Variants in TLN2 observed in about 807,000 individuals in gnomAD.
TLN2 encodes the protein talin-2.
In TLN2, 118 loss-of-function variants were observed where a neutral mutation model predicts 294.7. The ratio of observed to expected loss-of-function variants is 0.40; its 90% CI spans 0.34 to 0.47. The LOEUF is 0.47. Ranked by LOEUF, TLN2 falls within the 20% of genes least tolerant of loss-of-function variation. The probability of loss-of-function intolerance (pLI) is 0.84; values close to 1 mark genes in which losing one functional copy is unlikely to be tolerated. For missense variants in TLN2, 3,083 were observed against 3,282.2 expected (o/e 0.94, Z 1.48); for synonymous variants, 1,431 against 1,304.5 (o/e 1.10, Z -2.09).
intron 4 of TLN2, among the ~76,000 whole-genome samples, chr15:62,647,772 T>C (rs577501845): frequency 4.4e-4 from 67 of 152,332 alleles, no homozygotes; most frequent in Non-Finnish European, 8.1e-4. Context: ...CCTAACAGTA[T>C]TGGCGGTATG....
chr15:62,808,436 C>G (rs2066446015), intron 51 of TLN2, among the ~76,000 whole-genome samples: 1 of 152,162 alleles, frequency 6.6e-6, no homozygotes, highest in Admixed American at 6.5e-5. Flanking sequence ...TTGGGCATAT[C>G]TGTTTTTTTC....
intron 12 of TLN2, among the ~76,000 whole-genome samples, chr15:62,691,824 T>C (rs1243648427): frequency 6.6e-6 from 1 of 151,686 alleles, no homozygotes. Flanking sequence ...CTCATGCCAC[T>C]ATGCCTGGCT....
intron 1 of TLN2, among the ~76,000 whole-genome samples, chr15:62,424,797 T>G (rs879365674): frequency 4.4e-3 from 586 of 132,336 alleles, no homozygotes; most frequent in Middle Eastern, 0.024. Context: ...GGACCACAGG[T>G]GCATGCCACC....
At chr15:62,604,032 G>A (rs543016364) in intron 2 of TLN2, among the ~76,000 whole-genome samples, 2 of 152,294 alleles carry the variant, frequency 1.3e-5, no homozygotes, top group Admixed American at 6.5e-5. Flanking sequence ...AATGAAACTT[G>A]ATTTATGGAC....
intron 13 of TLN2, among the ~76,000 whole-genome samples, chr15:62,693,331 C>G (rs575725982): frequency 6.7e-6 from 1 of 149,572 alleles, no homozygotes; most frequent in Non-Finnish European, 1.5e-5. Flanking sequence ...GATTCCATCT[C>G]AAAAAAAAAC....
chr15:62,720,783 ATACTC>A (rs1171290064), intron 25 of TLN2, among the ~76,000 whole-genome samples: 1 of 152,032 alleles, frequency 6.6e-6, no homozygotes, highest in East Asian at 1.9e-4. Context: ...TTATATGACT[ATACTC>A]TTCATTTAAC....
intron 6 of TLN2, 80 bp from the exon 7 acceptor site, chr15:62,653,082 G>A: frequency 8.1e-7 from 1 of 1,230,350 alleles, no homozygotes; most frequent in Non-Finnish European, 1.1e-6. Context: ...GGAGCTCCTT[G>A]GAATATCACA....
intron 5 of TLN2, among the ~76,000 whole-genome samples, chr15:62,651,238 A>G (rs2140943419): frequency 6.6e-6 from 1 of 152,242 alleles, no homozygotes; most frequent in African/African-American, 2.4e-5. Flanking sequence ...GTCATACTCT[A>G]CTTTCATTTC....
intron 1 of TLN2, among the ~76,000 whole-genome samples, chr15:62,544,672 A>ATCTACCCT (rs2041889694): frequency 6.6e-6 from 1 of 151,526 alleles, no homozygotes; most frequent in Non-Finnish European, 1.5e-5. Context: ...CTCTGTCATC[A>ATCTACCCT]TCATCTACCC....
At chr15:62,417,028 C>G (rs369501723) in intron 1 of TLN2, among the ~76,000 whole-genome samples, 2 of 152,152 alleles carry the variant, frequency 1.3e-5, no homozygotes, top group East Asian at 3.9e-4. Flanking sequence ...CAGATCTATT[C>G]CGCAGATCAT....
chr15:62,454,309 C>A (rs888873991), intron 1 of TLN2, among the ~76,000 whole-genome samples: 1 of 152,054 alleles, frequency 6.6e-6, no homozygotes, highest in Non-Finnish European at 1.5e-5. Flanking sequence ...TGAGGGGGCA[C>A]TTCGGGACCC....
At position 62,797,936 on chromosome 15, in the gene TLN2, C is replaced by A. The variant is rs1350330410; in HGVS notation, c.6234+534C>A. 2.6e-5 allele frequency among the ~76,000 whole-genome samples: 4 copies of A among 152,078 alleles called. No individual in the cohort carries two copies. In the East Asian group the frequency reaches 7.7e-4, roughly 29 times the overall value. On this transcript the variant is annotated intron_variant, in intron 48 of 58. Coordinates refer to ENST00000636159, the MANE Select transcript of TLN2 (RefSeq NM_015059.3). Reference sequence around the variant, plus strand: ...GAGTCGGGGCAGAGCCTGGAGGAATCCAGCATTTAGGACCACTTTACCGTG... The same window carrying A: ...GAGTCGGGGCAGAGCCTGGAGGAATACAGCATTTAGGACCACTTTACCGTG...
chr15:62,730,061 A>ATGC (rs10623244), intron 28 of TLN2, among the ~76,000 whole-genome samples: 114,981 of 130,506 alleles, frequency 0.88, 51,001 homozygotes, highest in Non-Finnish European at 0.95. Context: ...ATGGAGTCTC[A>ATGC]TGCTGTTGTC....
At chr15:62,806,974 A>G (rs2066333445) in intron 51 of TLN2, among the ~76,000 whole-genome samples, 1 of 151,922 alleles carries the variant, frequency 6.6e-6, no homozygotes, top group African/African-American at 2.4e-5. Context: ...GTGATGACGG[A>G]ATTTGTGTGC....
At chr15:62,784,130 G>C in intron 45 of TLN2, 1 of 594,564 alleles carries the variant, frequency 1.7e-6, no homozygotes, top group Non-Finnish European at 2.8e-6. Context: ...TCAGACAGAA[G>C]GACTTTGTAT....
At chr15:62,496,345 C>A (rs1005470257) in intron 1 of TLN2, among the ~76,000 whole-genome samples, 1 of 140,884 alleles carries the variant, frequency 7.1e-6, no homozygotes, top group South Asian at 2.3e-4. Flanking sequence ...CAGCATCACC[C>A]GTACAGCTTA....
At chr15:62,569,591 G>A (rs1261377178) in intron 1 of TLN2, among the ~76,000 whole-genome samples, 1 of 152,222 alleles carries the variant, frequency 6.6e-6, no homozygotes, top group African/African-American at 2.4e-5. Flanking sequence ...CATGAGGTTG[G>A]TGCAATCTGG....
intron 43 of TLN2, 132 bp from the exon 44 acceptor site, chr15:62,781,008 T>A (rs2064117751): frequency 9.3e-6 from 6 of 647,986 alleles, no homozygotes; most frequent in Non-Finnish European, 1.6e-5. Context: ...ACAAGTTGGG[T>A]AATTGAGTTG....
intron 1 of TLN2, among the ~76,000 whole-genome samples, chr15:62,563,527 C>T (rs955053745): frequency 6.6e-6 from 1 of 152,152 alleles, no homozygotes; most frequent in African/African-American, 2.4e-5. Context: ...AAGATTTTCT[C>T]CCACTTGGTG....
Sources: gnomAD v4.1 joint callset for allele counts (sites outside exome capture counted in the v4.1 genomes callset) on GRCh38, gnomAD v4.1.1 for gene constraint, MANE v1.5 for transcripts, NCBI Gene and HGNC (gene_info 2026-07-23, HGNC 2026-07-21) for gene names.